The following ACAD10 variants were observed in gnomAD, a reference collection of about 807,000 sequenced individuals.
The protein encoded by ACAD10 is acyl-CoA dehydrogenase family member 10, also known as ACAD-10.
In ACAD10, 112 loss-of-function variants were observed where a neutral mutation model predicts 116.8. That is an observed-to-expected ratio of 0.96 (90% CI 0.82 to 1.12). The LOEUF is 1.12. ACAD10 is among the 50% of genes most tolerant of loss of function. The pLI is 0.00. For synonymous variants in ACAD10, 486 were observed against 510.6 expected (o/e 0.95, Z 0.65); for missense variants, 1,259 against 1,350.2 (o/e 0.93, Z 1.06).
At chr12:111,709,792 CT>C (rs1888618744) in intron 5 of ACAD10, 108 bp downstream of exon 5, 1 of 1,222,548 alleles carries the variant, frequency 8.2e-7, no homozygotes, top group Non-Finnish European at 1.1e-6. Context: ...GGGTTTCCCC[CT>C]GTGTTTCCAT....
chr12:111,736,554 C>T (rs1889570525), intron 11 of ACAD10, among the ~76,000 whole-genome samples: 1 of 152,148 alleles, frequency 6.6e-6, no homozygotes, highest in Non-Finnish European at 1.5e-5. Flanking sequence ...TGCATCCACC[C>T]TTAACTGTGG....
At chr12:111,716,104 A>G (rs1888840358) in intron 7 of ACAD10, 142 bp downstream of exon 7, 1 of 1,246,492 alleles carries the variant, frequency 8.0e-7, no homozygotes, top group Non-Finnish European at 1.1e-6. Flanking sequence ...GGTGGGTCAC[A>G]CCTATAATCC....
intron 18 of ACAD10, among the ~76,000 whole-genome samples, chr12:111,750,961 C>T (rs976487127): frequency 2.6e-5 from 4 of 152,142 alleles, no homozygotes; most frequent in Admixed American, 1.3e-4. Flanking sequence ...CTAAGTAAAA[C>T]GCTCCTGTCT....
intron 4 of ACAD10, 42 bp downstream of exon 4, chr12:111,705,974 G>A (rs1470511059): frequency 4.4e-6 from 7 of 1,590,684 alleles, no homozygotes; most frequent in Admixed American, 1.7e-5. Flanking sequence ...CAGAATCTGT[G>A]CCCTCGCTTC....
At chr12:111,699,192 T>C (rs1888280453) in intron 2 of ACAD10, among the ~76,000 whole-genome samples, 1 of 152,192 alleles carries the variant, frequency 6.6e-6, no homozygotes, top group Admixed American at 6.6e-5. Flanking sequence ...GCCTTCTATA[T>C]TATTTTCTAA....
At chr12:111,752,858 A>C (rs1284429857) in intron 18 of ACAD10, 2 of 142,518 alleles carry the variant, frequency 1.4e-5, no homozygotes, top group Non-Finnish European at 3.0e-5. Flanking sequence ...AAAAAAAAAA[A>C]CTAGGCTGGG....
chr12:111,744,443 C>T (rs548156984), intron 12 of ACAD10, 200 bp from the exon 13 acceptor site: 3 of 644,838 alleles, frequency 4.7e-6, no homozygotes, highest in African/African-American at 3.7e-5. Flanking sequence ...ACTCAGTTTT[C>T]TTGCGTGCAA....
Position 111,733,980 on chromosome 12 carries a change from G to A in ACAD10, c.1452G>A (p.Trp484Ter), listed in dbSNP as rs200301785. 9.4e-5 allele frequency: 151 copies of A among 1,614,210 alleles called. No homozygotes were observed. In the African/African-American group the frequency reaches 1.6e-3, roughly 17 times the overall value. The change falls in exon 11 of 21, where the codon TGG becomes TGA. Residue 484 changes from tryptophan (W) to a stop codon, truncating the protein, a stop_gained. Transcript: ENST00000313698. LOFTEE classifies it high-confidence loss of function. ...EEPEVLAVLDWELSTLGDPLA... is the reference protein window; with the variant it reads ...EEPEVLAVLD The stretch of plus-strand genomic sequence containing the variant: ...CAGAGGTGCTTGCTGTCCTTGACTG[G>A]GAACTTTCTACCTTGGGCGACCCCC...
intron 10 of ACAD10, among the ~76,000 whole-genome samples, chr12:111,733,339 A>G (rs1176836979): frequency 1.3e-5 from 2 of 151,968 alleles, no homozygotes; most frequent in African/African-American, 4.8e-5. Context: ...GAGCTTAAGC[A>G]GTCCTCCGAA....
intron 9 of ACAD10, 30 bp from the exon 10 acceptor site, chr12:111,729,776 C>T (rs1185616854): frequency 6.3e-6 from 10 of 1,596,218 alleles, no homozygotes; most frequent in African/African-American, 4.0e-5. Context: ...GCTGAAATTG[C>T]ACACCAAGTT....
rs184095744 is a variant in ACAD10 at position 111,706,843 on chromosome 12, G to A, written c.531+911G>A. ...GGCTAAAGTACAGTGGCACCATCTC[G>A]GCTCACTGCAGCCTCCACCTTCCAG... is the stretch of plus-strand genomic sequence containing the variant. On this transcript the variant is annotated intron_variant, in intron 4 of 20. Coordinates refer to ENST00000313698, the MANE Select transcript of ACAD10 (RefSeq NM_025247.6). 1.8e-3 allele frequency among the ~76,000 whole-genome samples: 249 copies of A among 141,760 alleles called. 2 individuals carry two copies. Among genetic ancestry groups the A allele is most frequent in the African/African-American group, 6.0e-3 (224 of 37,576 alleles). 93.0% of individuals were successfully genotyped at this position (141,760 alleles called of 152,430 possible). A position where few individuals can be genotyped will look rare whatever the true frequency, so the allele number is the denominator to read the frequency against.
chr12:111,737,472 C>A (rs572829667), intron 12 of ACAD10, among the ~76,000 whole-genome samples: 391 of 152,290 alleles, frequency 2.6e-3, no homozygotes, highest in Non-Finnish European at 4.1e-3. Flanking sequence ...CAGGTGTGAG[C>A]CACCATGCCC....
intron 5 of ACAD10, chr12:111,710,330 T>G: frequency 2.2e-6 from 1 of 453,324 alleles, no homozygotes; most frequent in South Asian, 1.6e-5. Context: ...TCAAGCGATC[T>G]ACCCACCTTA....
chr12:111,747,288 C>G lies in ACAD10; in HGVS notation c.2395-7C>G, dbSNP rs377685712. ...GCGTCTCTGACTGGAATATGCTCCC[C>G]ACTCAGGTTGCCTCTTCAGATGCCA... On this transcript the variant is annotated splice_region_variant and splice_polypyrimidine_tract_variant and intron_variant, in intron 15 of 20. Coordinates refer to ENST00000313698, the MANE Select transcript of ACAD10 (RefSeq NM_025247.6). 2.5e-6 allele frequency: 4 copies of G among 1,614,138 alleles called. No homozygotes were observed. The Admixed American group carries it at 6.7e-5, about 27-fold the overall frequency.
At chr12:111,754,282 G>A (rs1890147801) in intron 19 of ACAD10, among the ~76,000 whole-genome samples, 1 of 152,176 alleles carries the variant, frequency 6.6e-6, no homozygotes, top group Non-Finnish European at 1.5e-5. Context: ...TTATTTTCAA[G>A]TGTGACATTA....
rs564419824 is a variant in ACAD10 at position 111,736,442 on chromosome 12, C to T, written c.1541-389C>T. Among the ~76,000 whole-genome samples, 4 of 152,242 alleles carry T rather than the reference C, an allele frequency of 2.6e-5. No homozygotes were observed. The South Asian group carries it at 8.3e-4, about 32-fold the overall frequency. The stretch of plus-strand genomic sequence containing the variant: ...CTGACCTCAGGTGATCCACCTAACT[C>T]GGCCTCCCAAAGTGCTGGGATTACA... On this transcript the variant is annotated intron_variant, in intron 11 of 20. Coordinates refer to ENST00000313698, the MANE Select transcript of ACAD10 (RefSeq NM_025247.6).
chr12:111,728,414 A>G (rs546188983), intron 9 of ACAD10, among the ~76,000 whole-genome samples: 1 of 150,626 alleles, frequency 6.6e-6, no homozygotes, highest in Non-Finnish European at 1.5e-5. Context: ...ATATTCTGCT[A>G]TCCAATTCCC....
At chr12:111,712,980 G>A (rs1343461320) in intron 6 of ACAD10, among the ~76,000 whole-genome samples, 3 of 152,184 alleles carry the variant, frequency 2.0e-5, no homozygotes, top group African/African-American at 7.2e-5. Context: ...AGTTTCTAAT[G>A]CTTTGAGACG....
intron 20 of ACAD10, 142 bp downstream of exon 20, chr12:111,755,887 C>T (rs554769690): frequency 1.1e-6 from 1 of 889,780 alleles, no homozygotes; most frequent in Non-Finnish European, 1.8e-6. Context: ...TTTCCTTTTC[C>T]TCTTCAGAAT....
Sources: gnomAD v4.1 joint callset for allele counts (sites outside exome capture counted in the v4.1 genomes callset) on GRCh38, gnomAD v4.1.1 for gene constraint, MANE v1.5 for transcripts, NCBI Gene and HGNC (gene_info 2026-07-23, HGNC 2026-07-21) for gene names.